RCAN1: variants seen among roughly 807,000 people sequenced by gnomAD.
RCAN1 encodes the protein calcipressin-1.
A neutral mutation model predicts 22.9 loss-of-function variants in RCAN1; 11 were observed. The ratio of observed to expected loss-of-function variants is 0.48; its 90% CI spans 0.30 to 0.79. The LOEUF is 0.79. RCAN1 is among the 30% of genes least tolerant of loss of function. The pLI is 0.06. For synonymous variants in RCAN1, 136 were observed against 142.3 expected (o/e 0.96, Z 0.32); for missense variants, 291 against 337.8 (o/e 0.86, Z 1.09).
rs529594732 is a variant in RCAN1, at chr21:34,590,928, A to G, written c.252+23832T>C. Among the ~76,000 whole-genome samples the G allele has an allele frequency of 3.2e-4, 49 of 152,302 alleles. 2 individuals carry two copies. The South Asian group carries it at 9.3e-3, about 29-fold the overall frequency. ...TGGTCTAGAAATCCTGGGGCACAGC[A>G]ATATTTTATGTCTTCATCTGGGAGG... On this transcript the variant is annotated intron_variant, in intron 1 of 3. Coordinates refer to ENST00000313806, the MANE Select transcript of RCAN1 (RefSeq NM_004414.7).
intron 3 of RCAN1, among the ~76,000 whole-genome samples, chr21:34,519,873 C>T (rs1984371752): frequency 6.6e-6 from 1 of 152,152 alleles, no homozygotes; most frequent in East Asian, 1.9e-4. Flanking sequence ...TTTTCTCTAT[C>T]ACATGTGGGA....
At position 34,614,586 on chromosome 21, in the gene RCAN1, C is replaced by T; in HGVS notation, c.252+174G>A. On this transcript the variant is annotated intron_variant, in intron 1 of 3. Transcript: ENST00000313806. This position sits in a 1 kb window ranked among gnomAD's most constrained non-coding sequence, Gnocchi z 6.0. Reference sequence around the variant, plus strand: ...GGGGGTGCTAGGGGACCGGGACCCTCGGGGCGCCGTCCCCACGCCCCAGCC... The same window carrying T: ...GGGGGTGCTAGGGGACCGGGACCCTTGGGGCGCCGTCCCCACGCCCCAGCC... The T allele has an allele frequency of 1.0e-6, 1 of 994,726 alleles. No individual in the cohort carries two copies. Among genetic ancestry groups the T allele is most frequent in the Non-Finnish European group, 1.2e-6 (1 of 807,426 alleles). 61.6% of individuals were successfully genotyped at this position (994,726 alleles called of 1,614,324 possible). A position where few individuals can be genotyped will look rare whatever the true frequency, so the allele number is the denominator to read the frequency against.
intron 1 of RCAN1, among the ~76,000 whole-genome samples, chr21:34,526,445 GC>G (rs1985057458): frequency 6.6e-6 from 1 of 152,156 alleles, no homozygotes; most frequent in Non-Finnish European, 1.5e-5. Context: ...TGGTTCAGGG[GC>G]CTGGATGTTG....
intron 1 of RCAN1, among the ~76,000 whole-genome samples, chr21:34,526,482 C>G (rs989881222): frequency 1.3e-5 from 2 of 152,168 alleles, no homozygotes; most frequent in African/African-American, 4.8e-5. Context: ...TTTAGAAATT[C>G]CTTCCTCAGT....
intron 1 of RCAN1, among the ~76,000 whole-genome samples, chr21:34,610,265 C>T (rs1198336254): frequency 6.6e-6 from 1 of 152,208 alleles, no homozygotes; most frequent in Non-Finnish European, 1.5e-5. Context: ...CATCAAATTG[C>T]TTTCGAATGA....
At chr21:34,554,803 T>A (rs9984846) in intron 1 of RCAN1, among the ~76,000 whole-genome samples, 103,516 of 151,704 alleles carry the variant, frequency 0.68, 36,547 homozygotes, top group African/African-American at 0.86. Context: ...AAAGCATCAC[T>A]ATCATGGTGG....
intron 1 of RCAN1, among the ~76,000 whole-genome samples, chr21:34,534,280 C>T (rs903904077): frequency 6.6e-6 from 1 of 152,084 alleles, no homozygotes; most frequent in South Asian, 2.1e-4. Context: ...CCTCAGCCAG[C>T]TCCTCCCTGT....
chr21:34,560,828 G>A (rs750806002), intron 1 of RCAN1, among the ~76,000 whole-genome samples: 2 of 152,182 alleles, frequency 1.3e-5, no homozygotes, highest in Non-Finnish European at 2.9e-5. Context: ...AAACAAAAGA[G>A]AGCAATGTCC....
At position 34,516,551 on chromosome 21, in the gene RCAN1, G is replaced by GT. The variant is rs1188421744; in HGVS notation, c.*1532_*1533insA. The GT allele has an allele frequency of 1.3e-5, 2 of 152,198 alleles. No individual in the cohort carries two copies. The highest frequency in any genetic ancestry group is 2.4e-5 in the African/African-American group (1 of 41,442). The allele number at this position is 152,198 out of a possible 1,614,324, so 9.4% of individuals were successfully genotyped here. A position where few individuals can be genotyped will look rare whatever the true frequency, so the allele number is the denominator to read the frequency against. On this transcript the variant is annotated 3_prime_UTR_variant, in exon 4 of 4. Coordinates refer to ENST00000313806, the MANE Select transcript of RCAN1 (RefSeq NM_004414.7). Reference sequence around the variant, plus strand: ...AGTTAAAAAAAATATTTTGAGGTTAGCCTCTCCAGTTTAAAAGCACTTAAC... The same window carrying GT: ...AGTTAAAAAAAATATTTTGAGGTTAGTCCTCTCCAGTTTAAAAGCACTTAAC...
chr21:34,573,381 C>A (rs1987300272), intron 1 of RCAN1, among the ~76,000 whole-genome samples: 1 of 152,218 alleles, frequency 6.6e-6, no homozygotes, highest in Non-Finnish European at 1.5e-5. Flanking sequence ...ATTTTGCCTT[C>A]ACTGAGTTCC....
intron 1 of RCAN1, among the ~76,000 whole-genome samples, chr21:34,591,251 T>C (rs1056429836): frequency 6.6e-6 from 1 of 152,110 alleles, no homozygotes; most frequent in Admixed American, 6.5e-5. Context: ...TAGGAAAAGA[T>C]GGACAATCTG....
At chr21:34,611,353 C>A (rs964351667) in intron 1 of RCAN1, among the ~76,000 whole-genome samples, 5 of 152,136 alleles carry the variant, frequency 3.3e-5, no homozygotes, top group Non-Finnish European at 7.3e-5. Context: ...CAGTGTGAAT[C>A]TAATACATTT....
chr21:34,531,669 T>C (rs536132809), intron 1 of RCAN1, among the ~76,000 whole-genome samples: 1 of 152,316 alleles, frequency 6.6e-6, no homozygotes, highest in East Asian at 1.9e-4. Flanking sequence ...AGGCAGACTG[T>C]TCAAGGTCGT....
intron 1 of RCAN1, among the ~76,000 whole-genome samples, chr21:34,585,614 G>C (rs945950387): frequency 9.9e-5 from 15 of 151,804 alleles, no homozygotes; most frequent in Non-Finnish European, 1.8e-4. Context: ...ATGGTGGCGG[G>C]CACCTGTAGT....
chr21:34,563,788 TATATATAGAGAG>T (rs1986895859), intron 1 of RCAN1, among the ~76,000 whole-genome samples: 1 of 94,098 alleles, frequency 1.1e-5, no homozygotes, highest in African/African-American at 4.3e-5. Context: ...TATATATATA[TATATATAGAGAG>T]AGAGAGAGAG....
chr21:34,598,861 AG>A, intron 1 of RCAN1, among the ~76,000 whole-genome samples: 1 of 152,336 alleles, frequency 6.6e-6, no homozygotes, highest in South Asian at 2.1e-4. Context: ...CAGTTTATAG[AG>A]GAAAAAAAGC....
At chr21:34,590,335 G>A (rs914961949) in intron 1 of RCAN1, among the ~76,000 whole-genome samples, 4 of 152,208 alleles carry the variant, frequency 2.6e-5, no homozygotes, top group Non-Finnish European at 5.9e-5. Flanking sequence ...CGAGAGCAAA[G>A]ATATTGCTTT....
chr21:34,568,385 C>G (rs1274061693), intron 1 of RCAN1, among the ~76,000 whole-genome samples: 1 of 152,222 alleles, frequency 6.6e-6, no homozygotes, highest in African/African-American at 2.4e-5. Context: ...AGCTTGACCT[C>G]AAATGTTTTT....
At chr21:34,581,757 C>G (rs888501982) in intron 1 of RCAN1, among the ~76,000 whole-genome samples, 1 of 152,182 alleles carries the variant, frequency 6.6e-6, no homozygotes, top group African/African-American at 2.4e-5. Flanking sequence ...TGAAAAAAAT[C>G]TTTGAAAAAA....
Sources: allele counts gnomAD v4.1 joint callset (sites outside exome capture counted in the v4.1 genomes callset), GRCh38; gene constraint gnomAD v4.1.1; non-coding constraint Gnocchi (gnomAD v3.1); transcripts MANE v1.5; gene names NCBI Gene and HGNC (gene_info 2026-07-23, HGNC 2026-07-21).